The following TTC27 variants were observed in gnomAD, a reference collection of about 807,000 sequenced individuals.
The protein encoded by TTC27 is tetratricopeptide repeat domain 27, also known as tetratricopeptide repeat protein 27.
A neutral mutation model predicts 115.9 loss-of-function variants in TTC27; 79 were observed. The observed-to-expected ratio is 0.68, with a 90% CI of 0.57 to 0.82. TTC27 has a LOEUF of 0.82. TTC27 is among the 40% of genes least tolerant of loss of function. The pLI is 0.00. For synonymous variants in TTC27, 401 were observed against 356.0 expected (o/e 1.13, Z -1.42); for missense variants, 1,054 against 993.1 (o/e 1.06, Z -0.82).
At position 32,672,392 on chromosome 2, in the gene TTC27, A is replaced by T; in HGVS notation, c.1052+8A>T. 6.3e-7 allele frequency: 1 copy of T among 1,599,864 alleles called. No homozygotes were observed. The highest frequency in any genetic ancestry group is 8.6e-7 in the Non-Finnish European group (1 of 1,167,486). ...TATTATTCTTGGAATCTGGTGAGTT[A>T]ATGACTGACTTGGCTGCTTTGAACA... On this transcript the variant is annotated splice_region_variant and intron_variant, in intron 8 of 19. Transcript: ENST00000317907.
At chr2:32,736,608 A>G in intron 11 of TTC27, 86 bp from the exon 12 acceptor site, 1 of 1,509,116 alleles carries the variant, frequency 6.6e-7, no homozygotes. Context: ...AGACCCCTAA[A>G]AAGGCAGATT....
intron 12 of TTC27, among the ~76,000 whole-genome samples, chr2:32,746,105 A>T (rs758759432): frequency 5.9e-4 from 90 of 152,184 alleles, no homozygotes; most frequent in Non-Finnish European, 1.9e-4. Context: ...ATGTATGTGG[A>T]GCGGGGGTAA....
chr2:32,648,758 C>T (rs1251399841), intron 4 of TTC27, among the ~76,000 whole-genome samples: 1 of 152,056 alleles, frequency 6.6e-6, no homozygotes, highest in African/African-American at 2.4e-5. Flanking sequence ...CATCTGTAAT[C>T]CCAGCACTTT....
intron 5 of TTC27, among the ~76,000 whole-genome samples, chr2:32,658,522 A>G (rs1258425353): frequency 6.6e-6 from 1 of 152,222 alleles, no homozygotes; most frequent in African/African-American, 2.4e-5. Context: ...AGGCAGAGTT[A>G]GATATTCAGT....
intron 10 of TTC27, among the ~76,000 whole-genome samples, chr2:32,718,653 T>TA (rs764261127): frequency 7.9e-5 from 12 of 152,288 alleles, no homozygotes; most frequent in Non-Finnish European, 1.6e-4. Flanking sequence ...ATTGTGTTGA[T>TA]AGTTAGCACA....
At chr2:32,672,210 C>T (rs1666038173) in intron 7 of TTC27, 62 bp from the exon 8 acceptor site, 1 of 1,202,324 alleles carries the variant, frequency 8.3e-7, no homozygotes, top group East Asian at 2.4e-5. Flanking sequence ...TATTACATGC[C>T]ATTCTGGTGA....
chr2:32,728,936 A>G (rs1041114204), intron 10 of TTC27, among the ~76,000 whole-genome samples: 2 of 152,216 alleles, frequency 1.3e-5, no homozygotes, highest in Non-Finnish European at 2.9e-5. Context: ...TGTTAGAGAA[A>G]GCTGTTTGGC....
intron 12 of TTC27, among the ~76,000 whole-genome samples, chr2:32,754,711 G>T (rs1173740825): frequency 1.3e-4 from 19 of 151,614 alleles, no homozygotes; most frequent in African/African-American, 4.3e-4. Context: ...TCACTTCCCA[G>T]TAGGGGCGGC....
chr2:32,807,636 T>G (rs1266412787), intron 16 of TTC27, among the ~76,000 whole-genome samples: 1 of 152,158 alleles, frequency 6.6e-6, no homozygotes, highest in Non-Finnish European at 1.5e-5. Flanking sequence ...TATGGGGGGT[T>G]TCTCTTCATT....
intron 14 of TTC27, 122 bp from the exon 15 acceptor site, chr2:32,782,504 T>C (rs1670214519): frequency 3.2e-6 from 2 of 634,756 alleles, no homozygotes; most frequent in South Asian, 6.3e-5. Context: ...AACACACTCT[T>C]ATTGAAAATT....
intron 5 of TTC27, 133 bp downstream of exon 5, chr2:32,650,366 T>C (rs1665061656): frequency 1.8e-6 from 1 of 554,632 alleles, no homozygotes; most frequent in Non-Finnish European, 3.1e-6. Context: ...TTTTTTTTTT[T>C]TTTTTTTTGG....
At chr2:32,653,645 G>T (rs1665216311) in intron 5 of TTC27, among the ~76,000 whole-genome samples, 1 of 150,942 alleles carries the variant, frequency 6.6e-6, no homozygotes, top group Non-Finnish European at 1.5e-5. Context: ...ATGCATACGT[G>T]CGTACGTTGA....
chr2:32,754,868 G>C (rs1384502306), intron 12 of TTC27, among the ~76,000 whole-genome samples: 8 of 148,318 alleles, frequency 5.4e-5, no homozygotes, highest in African/African-American at 1.0e-4. Context: ...CTGGCCAGGC[G>C]GGGGGGCTGA....
chr2:32,705,097 G>C (rs763795961), intron 10 of TTC27: 24 of 349,472 alleles, frequency 6.9e-5, no homozygotes, highest in Non-Finnish European at 1.3e-4. Flanking sequence ...TCACGGGAGG[G>C]AGCAGACCCC....
intron 9 of TTC27, among the ~76,000 whole-genome samples, chr2:32,698,790 T>G (rs1667086617): frequency 6.6e-6 from 1 of 152,100 alleles, no homozygotes; most frequent in Non-Finnish European, 1.5e-5. Context: ...AAGGAACGTG[T>G]TGTCTTAAAG....
chr2:32,710,063 T>C (rs1236861718), intron 10 of TTC27, among the ~76,000 whole-genome samples: 1 of 152,212 alleles, frequency 6.6e-6, no homozygotes, highest in Non-Finnish European at 1.5e-5. Flanking sequence ...TCACCCACTC[T>C]GGAGTGCGGT....
intron 5 of TTC27, among the ~76,000 whole-genome samples, chr2:32,661,622 C>T (rs1453945435): frequency 2.0e-5 from 3 of 152,100 alleles, no homozygotes; most frequent in Admixed American, 6.5e-5. Context: ...GATTTTGTAT[C>T]CTGAGACTTT....
At chr2:32,802,429 C>T (rs901963920) in intron 16 of TTC27, among the ~76,000 whole-genome samples, 1 of 152,070 alleles carries the variant, frequency 6.6e-6, no homozygotes, top group Non-Finnish European at 1.5e-5. Context: ...ATTATCACCC[C>T]CATTTCTCTG....
intron 11 of TTC27, among the ~76,000 whole-genome samples, chr2:32,735,298 T>A (rs1442657583): frequency 6.6e-6 from 1 of 152,122 alleles, no homozygotes; most frequent in Non-Finnish European, 1.5e-5. Flanking sequence ...CAGCTGGAAT[T>A]TTTTAGTGTG....
Sources: allele counts gnomAD v4.1 joint callset (sites outside exome capture counted in the v4.1 genomes callset), GRCh38; gene constraint gnomAD v4.1.1; transcripts MANE v1.5; gene names NCBI Gene and HGNC (gene_info 2026-07-23, HGNC 2026-07-21).